Variants in ADGRL3 observed in about 807,000 individuals in gnomAD.
ADGRL3 encodes the protein adhesion G protein-coupled receptor L3.
Under a neutral mutation model 153.5 loss-of-function variants are expected in ADGRL3, and 62 were observed. That is an observed-to-expected ratio of 0.40 (90% confidence interval 0.33 to 0.50). The LOEUF (loss-of-function observed/expected upper bound fraction) is 0.50. ADGRL3 is among the 20% of genes least tolerant of loss of function. ADGRL3 has a pLI of 0.47. For missense variants in ADGRL3, 1,641 were observed against 1,859.4 expected (o/e 0.88, Z 2.16); for synonymous variants, 710 against 672.5 (o/e 1.06, Z -0.86).
At chr4:61,670,766 C>G (rs1325800171) in intron 5 of ADGRL3, among the ~76,000 whole-genome samples, 5 of 152,148 alleles carry the variant, frequency 3.3e-5, no homozygotes, top group Admixed American at 6.5e-5. Context: ...AAGTTCCCCC[C>G]AGGGGTGTTG....
chr4:61,291,583 C>CATATATAT (rs1207822155), intron 1 of ADGRL3, among the ~76,000 whole-genome samples: 2 of 77,550 alleles, frequency 2.6e-5, no homozygotes, highest in East Asian at 3.9e-4. Context: ...TATATATATA[C>CATATATAT]ATATATATAT....
chr4:61,691,742 T>C (rs1286065628), intron 6 of ADGRL3, among the ~76,000 whole-genome samples: 4 of 152,194 alleles, frequency 2.6e-5, no homozygotes, highest in Non-Finnish European at 5.9e-5. Flanking sequence ...TACTGTATTC[T>C]TCTGATGTAA....
intron 9 of ADGRL3, among the ~76,000 whole-genome samples, chr4:61,843,143 C>T (rs1421394104): frequency 6.6e-6 from 1 of 152,164 alleles, no homozygotes; most frequent in East Asian, 1.9e-4. Flanking sequence ...GACAGAGAGA[C>T]TGATTCACTC....
chr4:61,939,967 A>G (rs1355935454), intron 15 of ADGRL3, among the ~76,000 whole-genome samples: 1 of 150,026 alleles, frequency 6.7e-6, no homozygotes, highest in Non-Finnish European at 1.5e-5. Flanking sequence ...TTTAGGGTAC[A>G]TGTGCACATT....
chr4:61,842,382 G>A (rs1043994312), intron 9 of ADGRL3, among the ~76,000 whole-genome samples: 13 of 152,038 alleles, frequency 8.6e-5, no homozygotes, highest in South Asian at 4.1e-4. Flanking sequence ...ATTTTTTAGC[G>A]TACAAGATAT....
chr4:62,025,856 G>A (rs539537276), intron 21 of ADGRL3, among the ~76,000 whole-genome samples: 1 of 151,992 alleles, frequency 6.6e-6, no homozygotes, highest in Non-Finnish European at 1.5e-5. Flanking sequence ...TTGTTTAAAT[G>A]GATTATCATT....
At chr4:61,387,126 C>T (rs541777266) in intron 2 of ADGRL3, among the ~76,000 whole-genome samples, 107 of 152,170 alleles carry the variant, frequency 7.0e-4, no homozygotes, top group African/African-American at 2.4e-3. Flanking sequence ...AGACATCACA[C>T]GTTGGTAGGA....
At chr4:61,736,520 T>C (rs928469241) in intron 8 of ADGRL3, among the ~76,000 whole-genome samples, 4 of 152,032 alleles carry the variant, frequency 2.6e-5, no homozygotes, top group Non-Finnish European at 5.9e-5. Flanking sequence ...TAGTCTGGTG[T>C]GGTGGTGGGT....
chr4:61,753,681 T>C (rs879290676), intron 8 of ADGRL3, among the ~76,000 whole-genome samples: 4 of 152,216 alleles, frequency 2.6e-5, no homozygotes, highest in Non-Finnish European at 5.9e-5. Flanking sequence ...CAGGATTAGA[T>C]TCTATGTTTG....
chr4:61,614,561 C>T (rs775847340), intron 5 of ADGRL3, among the ~76,000 whole-genome samples: 3 of 151,964 alleles, frequency 2.0e-5, no homozygotes, highest in Non-Finnish European at 4.4e-5. Context: ...ATAGTAATCA[C>T]CCTACTGCTA....
intron 9 of ADGRL3, among the ~76,000 whole-genome samples, chr4:61,848,621 G>A (rs1056159475): frequency 8.6e-5 from 13 of 151,918 alleles, no homozygotes; most frequent in African/African-American, 2.7e-4. Flanking sequence ...ATCTTTTTGA[G>A]GGACACAATT....
chr4:61,536,133 G>T (rs558309016), intron 4 of ADGRL3, among the ~76,000 whole-genome samples: 1 of 152,034 alleles, frequency 6.6e-6, no homozygotes, highest in African/African-American at 2.4e-5. Flanking sequence ...TAATGTTGTT[G>T]TTTATCCAAA....
rs1332841939 is a variant in ADGRL3, at chr4:62,071,847, A to G, written c.*939A>G. On this transcript the variant is annotated 3_prime_UTR_variant, in exon 27 of 27. Transcript: ENST00000683033. ...CATTTTCTAGTAATGCAAACAAATT[A>G]TTTTTTACAAAAAAACAAAATAAAT... 5 of 336,284 alleles carry G rather than the reference A, an allele frequency of 1.5e-5. No homozygotes were observed. The highest frequency in any genetic ancestry group is 4.4e-5 in the African/African-American group (2 of 45,130). 20.8% of individuals were successfully genotyped at this position (336,284 alleles called of 1,614,324 possible). A position where few individuals can be genotyped will look rare whatever the true frequency, so the allele number is the denominator to read the frequency against.
At chr4:61,758,156 C>T (rs2096861437) in intron 8 of ADGRL3, among the ~76,000 whole-genome samples, 1 of 152,122 alleles carries the variant, frequency 6.6e-6, no homozygotes, top group South Asian at 2.1e-4. Flanking sequence ...AGTTCAATTC[C>T]TGGAAATCCC....
At chr4:61,775,659 C>A in intron 8 of ADGRL3, 1 of 1,511,290 alleles carries the variant, frequency 6.6e-7, no homozygotes, top group South Asian at 1.1e-5. Flanking sequence ...CCTCCACCAA[C>A]TTGACATACA....
intron 1 of ADGRL3, among the ~76,000 whole-genome samples, chr4:61,262,441 G>T (rs893320075): frequency 2.6e-5 from 4 of 152,026 alleles, no homozygotes; most frequent in African/African-American, 9.7e-5. Flanking sequence ...GGTCGCCATT[G>T]TGTTGTTTCT....
At chr4:62,059,911 A>T (rs541876865) in intron 25 of ADGRL3, among the ~76,000 whole-genome samples, 226 of 152,260 alleles carry the variant, frequency 1.5e-3, no homozygotes, top group African/African-American at 5.2e-3. Flanking sequence ...AAAATACATT[A>T]AAAATTAGAA....
At chr4:61,967,561 C>G (rs1458393617) in intron 17 of ADGRL3, among the ~76,000 whole-genome samples, 1 of 152,120 alleles carries the variant, frequency 6.6e-6, no homozygotes, top group African/African-American at 2.4e-5. Context: ...TACTAAATAG[C>G]TTTTTAGACT....
chr4:61,404,866 T>C (rs2096974224), intron 2 of ADGRL3, among the ~76,000 whole-genome samples: 1 of 152,078 alleles, frequency 6.6e-6, no homozygotes, highest in African/African-American at 2.4e-5. Context: ...AGAACCCTGA[T>C]GTTTTACTGT....
Sources: allele counts gnomAD v4.1 joint callset (sites outside exome capture counted in the v4.1 genomes callset), GRCh38; gene constraint gnomAD v4.1.1; transcripts MANE v1.5; gene names NCBI Gene and HGNC (gene_info 2026-07-23, HGNC 2026-07-21).